SLC66A2: variants seen among roughly 807,000 people sequenced by gnomAD.
The protein encoded by SLC66A2 is solute carrier family 66 member 2.
In SLC66A2, 23 loss-of-function variants were observed where a neutral mutation model predicts 25.5. That is an observed-to-expected ratio of 0.90 (90% CI 0.65 to 1.28). SLC66A2 has a LOEUF of 1.28. SLC66A2 is among the 50% of genes most tolerant of loss of function. The probability of loss-of-function intolerance (pLI) is 0.00; values close to 1 mark genes in which losing one functional copy is unlikely to be tolerated. For synonymous variants in SLC66A2, 193 were observed against 166.5 expected (o/e 1.16, Z -1.23); for missense variants, 396 against 373.1 (o/e 1.06, Z -0.51).
chr18:79,925,898 G>A (rs957918503), intron 4 of SLC66A2, among the ~76,000 whole-genome samples: 2 of 152,156 alleles, frequency 1.3e-5, no homozygotes, highest in African/African-American at 4.8e-5. Flanking sequence ...GTTCCCAGAC[G>A]GTCAGGCATT....
chr18:79,943,641 C>T (rs910681450), intron 2 of SLC66A2, 179 bp from the exon 3 acceptor site: 24 of 667,132 alleles, frequency 3.6e-5, no homozygotes, highest in Non-Finnish European at 5.9e-5. Context: ...TCTCCCAGTC[C>T]CGAACCTGCA....
rs1241736977 is a variant in SLC66A2, at chr18:79,925,384, A to G, written c.392-5984T>C. On this transcript the variant is annotated intron_variant, in intron 4 of 5. Transcript: ENST00000397778. Reference sequence around the variant, plus strand: ...GCCAACAGAACAGCTGACAGCCGGCAGTGCAGACTCACACGCCGTGACTTC... The same window carrying G: ...GCCAACAGAACAGCTGACAGCCGGCGGTGCAGACTCACACGCCGTGACTTC... Among the ~76,000 whole-genome samples, 3 of 152,266 alleles carry G rather than the reference A, an allele frequency of 2.0e-5. No individual in the cohort carries two copies. The East Asian group carries it at 5.8e-4, about 29-fold the overall frequency.
chr18:79,903,209 T>C lies in SLC66A2; in HGVS notation c.*767A>G, dbSNP rs1413795359. ...GCCTCAGCCCGGCCCCCTCAGCCATTGCCCATGAGGGCCTCCACGTTGTCT... is the reference window on the plus strand; with the variant it reads ...GCCTCAGCCCGGCCCCCTCAGCCATCGCCCATGAGGGCCTCCACGTTGTCT... On this transcript the variant is annotated 3_prime_UTR_variant, in exon 6 of 6. Coordinates refer to ENST00000397778, the MANE Select transcript of SLC66A2 (RefSeq NM_025078.5). The C allele has an allele frequency of 2.6e-5, 4 of 152,346 alleles. No individual in the cohort carries two copies. Among genetic ancestry groups the C allele is most frequent in the African/African-American group, 9.6e-5 (4 of 41,462 alleles). The allele number at this position is 152,346 out of a possible 1,614,324, so 9.4% of individuals were successfully genotyped here. A position where few individuals can be genotyped will look rare whatever the true frequency, so the allele number is the denominator to read the frequency against.
chr18:79,943,304 T>C, intron 3 of SLC66A2, 25 bp downstream of exon 3: 1 of 1,611,906 alleles, frequency 6.2e-7, no homozygotes, highest in South Asian at 1.1e-5. Flanking sequence ...CCCTGCGACT[T>C]TATTCCGAAG....
intron 5 of SLC66A2, among the ~76,000 whole-genome samples, chr18:79,916,561 T>C (rs1984188643): frequency 6.6e-6 from 1 of 152,180 alleles, no homozygotes; most frequent in African/African-American, 2.4e-5. Flanking sequence ...TCAACACCAT[T>C]GTCCATCACG....
rs138869356 is a variant in SLC66A2, at chr18:79,922,842, G to A, written c.392-3442C>T. On this transcript the variant is annotated intron_variant, in intron 4 of 5. Transcript: ENST00000397778. ...GAGGATAGAGGGATTGGGGGGGTTG[G>A]GGTATGGTGAGGTTAGGGGGGCTTG... Among the ~76,000 whole-genome samples the A allele has an allele frequency of 3.5e-3, 503 of 141,812 alleles. 4 individuals are homozygous for A. Among genetic ancestry groups the A allele is most frequent in the African/African-American group, 0.012 (464 of 37,174 alleles). 93.0% of individuals were successfully genotyped at this position (141,812 alleles called of 152,430 possible).
In SLC66A2 at chr18:79,940,072, C is replaced by G. The variant is rs1240354948; in HGVS notation, c.337+3257G>C. On this transcript the variant is annotated intron_variant, in intron 3 of 5. Coordinates refer to ENST00000397778, the MANE Select transcript of SLC66A2 (RefSeq NM_025078.5). This position sits in a 1 kb window ranked among gnomAD's most constrained non-coding sequence, Gnocchi z 4.1. ...GCCATAAAAGAGAACAAGATCGTAT[C>G]CTTTAGAGGAGCACAGATGGAGCTG... Among the ~76,000 whole-genome samples the G allele has an allele frequency of 6.6e-6, 1 of 152,134 alleles. No homozygotes were observed. Among genetic ancestry groups the G allele is most frequent in the Non-Finnish European group, 1.5e-5 (1 of 68,046 alleles).
intron 5 of SLC66A2, among the ~76,000 whole-genome samples, 168 bp downstream of exon 5, chr18:79,919,016 G>A (rs1384109270): frequency 3.9e-5 from 6 of 152,260 alleles, no homozygotes; most frequent in African/African-American, 1.4e-4. Context: ...GCTCCAGCGC[G>A]AGGTCGAGGG....
rs1030805468 is a variant in SLC66A2, at chr18:79,943,249, G to A, written c.337+80C>T. 18 of 1,545,974 alleles carry A rather than the reference G, an allele frequency of 1.2e-5. No homozygotes were observed. In the African/African-American group the frequency reaches 2.2e-4, roughly 19 times the overall value. ...AATGAAAGCTGCTTGGATCAGGACA[G>A]ATTAGAGTGGCTTTTGTTTCACCAG... On this transcript the variant is annotated intron_variant, in intron 3 of 5. Transcript: ENST00000397778.
chr18:79,951,274 C>T (rs1258886109), intron 1 of SLC66A2, among the ~76,000 whole-genome samples: 45 of 148,040 alleles, frequency 3.0e-4, no homozygotes, highest in African/African-American at 1.0e-3. Context: ...GGTCACCGCC[C>T]GGGTGCGCTT....
At position 79,933,997 on chromosome 18, in the gene SLC66A2, G is replaced by A. The variant is rs761607727; in HGVS notation, c.363C>T (p.Val121=). 1 of 1,612,844 alleles carries A rather than the reference G, an allele frequency of 6.2e-7. No homozygotes were observed. The highest frequency in any genetic ancestry group is 8.5e-7 in the Non-Finnish European group (1 of 1,179,724). ...GGAAGGACCGCCTGGGGGCAACCTT[G>A]ACTTCTTCATCCTTGCTATCTGCAG... is the stretch of plus-strand genomic sequence containing the variant. ...FTAADSKDEE[V]KVAPRRSFLD... Residue 121 remains valine, a synonymous_variant, in exon 4 of 6, where the codon GTC becomes GTT. Transcript: ENST00000397778.
At position 79,942,533 on chromosome 18, in the gene SLC66A2, TAAC is replaced by T. The variant is rs1385710354; in HGVS notation, c.337+793_337+795del. Reference sequence around the variant, plus strand: ...CTCAAATCCACAGAAGCCCCAAACTTAACAAACTCTGGGAAGATACTCTTCTCC... The same window carrying T: ...CTCAAATCCACAGAAGCCCCAAACTTAAACTCTGGGAAGATACTCTTCTCC... On this transcript the variant is annotated intron_variant, in intron 3 of 5. Coordinates refer to ENST00000397778, the MANE Select transcript of SLC66A2 (RefSeq NM_025078.5). 1.4e-4 allele frequency among the ~76,000 whole-genome samples: 22 copies of T among 152,218 alleles called. No individual in the cohort carries two copies. The East Asian group carries it at 4.3e-3, about 29-fold the overall frequency.
chr18:79,905,335 C>T (rs1315949343), intron 5 of SLC66A2, among the ~76,000 whole-genome samples: 1 of 152,248 alleles, frequency 6.6e-6, no homozygotes, highest in Non-Finnish European at 1.5e-5. Flanking sequence ...GCAGCTCCAG[C>T]TCCACAAAAT....
At position 79,932,505 on chromosome 18, in the gene SLC66A2, A is replaced by G. The variant is rs560846629; in HGVS notation, c.391+1464T>C. 5.9e-5 allele frequency among the ~76,000 whole-genome samples: 9 copies of G among 152,246 alleles called. No individual in the cohort carries two copies. The South Asian group carries it at 1.7e-3, about 28-fold the overall frequency. On this transcript the variant is annotated intron_variant, in intron 4 of 5. Transcript: ENST00000397778. ...AAAGAAAGAAAGAAAGAAAAGAAAAAGAAACACCTTTTAAAAAGTTGGTTA... is the reference window on the plus strand; with the variant it reads ...AAAGAAAGAAAGAAAGAAAAGAAAAGGAAACACCTTTTAAAAAGTTGGTTA...
intron 5 of SLC66A2, among the ~76,000 whole-genome samples, chr18:79,916,167 AGTGCTCCCGTACCCTCCCATACCCACG>A (rs1170017151): frequency 9.1e-5 from 3 of 33,080 alleles, no homozygotes; most frequent in Non-Finnish European, 2.3e-4. Flanking sequence ...TCGTACCCGC[AGTGCTCCCGTACCCTCCCATACCCACG>A]GTGCTCCCGT....
At chr18:79,921,936 G>A (rs34539466) in intron 4 of SLC66A2, among the ~76,000 whole-genome samples, 944 of 90,360 alleles carry the variant, frequency 0.01, 101 homozygotes, top group Middle Eastern at 0.025. Context: ...GAGCAAGAGC[G>A]TGAGGGGCAG....
At chr18:79,930,476 C>T (rs908439854) in intron 4 of SLC66A2, among the ~76,000 whole-genome samples, 3 of 152,094 alleles carry the variant, frequency 2.0e-5, no homozygotes, top group African/African-American at 7.2e-5. Context: ...AAACAAGAAA[C>T]ATCAGACGCA....
intron 4 of SLC66A2, among the ~76,000 whole-genome samples, chr18:79,928,690 C>T (rs1986255742): frequency 6.6e-6 from 1 of 152,224 alleles, no homozygotes; most frequent in Non-Finnish European, 1.5e-5. Context: ...CTACTCCCAG[C>T]AGGCAACCGA....
chr18:79,905,227 T>C (rs1981922878), intron 5 of SLC66A2, among the ~76,000 whole-genome samples: 1 of 152,236 alleles, frequency 6.6e-6, no homozygotes, highest in Non-Finnish European at 1.5e-5. Flanking sequence ...TTTGGGACTG[T>C]TTCCACTTGG....
Sources: gnomAD v4.1 joint callset for allele counts (sites outside exome capture counted in the v4.1 genomes callset) on GRCh38, gnomAD v4.1.1 for gene constraint, Gnocchi (gnomAD v3.1) non-coding constraint, MANE v1.5 for transcripts, NCBI Gene and HGNC (gene_info 2026-07-23, HGNC 2026-07-21) for gene names.